Variants in KAZN observed in about 807,000 individuals in gnomAD.
The protein encoded by KAZN is kazrin, periplakin interacting protein.
KAZN carries 40 observed loss-of-function variants against 87.4 expected under a neutral mutation model. The ratio of observed to expected loss-of-function variants is 0.46; its 90% CI spans 0.36 to 0.60. KAZN has a LOEUF of 0.60. Ranked by LOEUF, KAZN falls within the 20% of genes least tolerant of loss-of-function variation. The probability of loss-of-function intolerance (pLI) is 0.00; values close to 1 mark genes in which losing one functional copy is unlikely to be tolerated. For synonymous variants in KAZN, 466 were observed against 458.3 expected, an observed-to-expected ratio of 1.02 and a Z score of -0.22; for missense variants, 898 against 1,073.9, an observed-to-expected ratio of 0.84 and a Z score of 2.29.
chr1:13,946,867 C>T (rs984427949), intron 1 of KAZN, among the ~76,000 whole-genome samples: 10 of 150,446 alleles, frequency 6.6e-5, no homozygotes, highest in African/African-American at 2.2e-4. Context: ...TTACGAATGA[C>T]CACAAACTTA....
intron 2 of KAZN, among the ~76,000 whole-genome samples, chr1:14,333,929 CTG>C (rs912511866): frequency 1.4e-4 from 22 of 152,162 alleles, no homozygotes; most frequent in African/African-American, 4.8e-4. Context: ...GAGGGAAGGA[CTG>C]AGGCCATCAC....
chr1:14,727,351 C>G (rs1460724527), intron 1 of KAZN, among the ~76,000 whole-genome samples: 2 of 150,544 alleles, frequency 1.3e-5, no homozygotes, highest in Non-Finnish European at 2.9e-5. Context: ...TTCTTGGCAC[C>G]AGGGATGGGT....
At chr1:14,414,419 A>C (rs558094468) in intron 2 of KAZN, among the ~76,000 whole-genome samples, 1 of 152,148 alleles carries the variant, frequency 6.6e-6, no homozygotes, top group Non-Finnish European at 1.5e-5. Flanking sequence ...CCAAAAAATA[A>C]ATGAGTAACT....
At chr1:14,907,252 A>G (rs951100516) in intron 1 of KAZN, among the ~76,000 whole-genome samples, 1 of 151,488 alleles carries the variant, frequency 6.6e-6, no homozygotes, top group African/African-American at 2.4e-5. Context: ...TACAAAAACA[A>G]TTAGCAGGGC....
chr1:14,129,853 G>A (rs1644955028), intron 1 of KAZN, among the ~76,000 whole-genome samples: 3 of 152,180 alleles, frequency 2.0e-5, no homozygotes, highest in Admixed American at 1.3e-4. Flanking sequence ...TGGTATTTGT[G>A]TAAAGGAAAT....
At position 14,779,737 on chromosome 1, in the gene KAZN, A is replaced by G. The variant is rs191198153; in HGVS notation, c.226+180514A>G. 1.7e-3 allele frequency among the ~76,000 whole-genome samples: 258 copies of G among 152,310 alleles called. 2 individuals are homozygous for G. The highest frequency in any genetic ancestry group is 5.9e-3 in the African/African-American group (246 of 41,566). On this transcript the variant is annotated intron_variant, in intron 1 of 14. Transcript: ENST00000376030. ...TATTTTTTTCCTGGGATTAAGGCTC[A>G]GTGTATTCTAAACAACCCCATTATT...
intron 2 of KAZN, among the ~76,000 whole-genome samples, chr1:15,026,326 C>T (rs549081840): frequency 3.3e-5 from 5 of 152,158 alleles, no homozygotes; most frequent in Non-Finnish European, 7.3e-5. Context: ...CAGGTGGAGA[C>T]GATCATGCAC....
chr1:14,598,445 C>T (rs1276437989), upstream of KAZN, among the ~76,000 whole-genome samples: 2 of 152,168 alleles, frequency 1.3e-5, no homozygotes, highest in African/African-American at 4.8e-5. The surrounding 1 kb of genome is among the most constrained non-coding windows in gnomAD (Gnocchi z 4.2). Context: ...GCTGCCCCAC[C>T]GCTCAAGGGA....
intron 1 of KAZN, among the ~76,000 whole-genome samples, chr1:14,640,256 C>A (rs528784008): frequency 6.6e-6 from 1 of 152,110 alleles, no homozygotes; most frequent in Admixed American, 6.5e-5. Context: ...AGGTTTCAAC[C>A]GTCTGGGACC....
At chr1:14,905,200 A>G (rs918679256) in intron 1 of KAZN, among the ~76,000 whole-genome samples, 20 of 152,268 alleles carry the variant, frequency 1.3e-4, no homozygotes, top group Admixed American at 7.8e-4. Context: ...CTGGGACTAC[A>G]GGCACACACC....
At chr1:14,048,907 T>G (rs1642189512) in intron 1 of KAZN, among the ~76,000 whole-genome samples, 1 of 152,194 alleles carries the variant, frequency 6.6e-6, no homozygotes, top group African/African-American at 2.4e-5. Context: ...AGTGTTCCTA[T>G]TTCTCCACAT....
chr1:14,794,145 C>G (rs914583193), intron 1 of KAZN, among the ~76,000 whole-genome samples: 13 of 152,170 alleles, frequency 8.5e-5, no homozygotes, highest in Non-Finnish European at 1.8e-4. Context: ...CACTCTCCAC[C>G]GGTTCTTCTA....
chr1:14,800,436 C>T lies in KAZN; in HGVS notation c.227-160248C>T, dbSNP rs181044966. 4.1e-3 allele frequency among the ~76,000 whole-genome samples: 629 copies of T among 152,260 alleles called. 6 individuals carry two copies. Among genetic ancestry groups the T allele is most frequent in the South Asian group, 0.02 (98 of 4,820 alleles). The stretch of plus-strand genomic sequence containing the variant: ...GAAGTAATTGCCAGACACGGTGGCT[C>T]GTGCCTGTAATCCCAGCACTTTGGG... On this transcript the variant is annotated intron_variant, in intron 1 of 14. Coordinates refer to ENST00000376030, the MANE Select transcript of KAZN (RefSeq NM_201628.3).
At chr1:14,025,241 G>A (rs1437395466) in intron 1 of KAZN, among the ~76,000 whole-genome samples, 2 of 152,188 alleles carry the variant, frequency 1.3e-5, no homozygotes, top group Non-Finnish European at 2.9e-5. Context: ...CTGTTCCTCT[G>A]AAGACCATCC....
At chr1:14,533,247 C>G (rs1345897241) in intron 2 of KAZN, among the ~76,000 whole-genome samples, 1 of 152,130 alleles carries the variant, frequency 6.6e-6, no homozygotes, top group Non-Finnish European at 1.5e-5. Flanking sequence ...GGGATAAACA[C>G]AGTACCCCAG....
intron 2 of KAZN, among the ~76,000 whole-genome samples, chr1:14,245,241 C>A (rs776947865): frequency 6.6e-6 from 1 of 151,942 alleles, no homozygotes; most frequent in African/African-American, 2.4e-5. Context: ...ATGTAGGAGG[C>A]TCTGGCTTTT....
At chr1:14,038,055 TCATC>T (rs1321139472) in intron 1 of KAZN, among the ~76,000 whole-genome samples, 1 of 152,184 alleles carries the variant, frequency 6.6e-6, no homozygotes, top group Non-Finnish European at 1.5e-5. Context: ...ATTCATCCAT[TCATC>T]CATCCATCCA....
chr1:14,784,358 G>A (rs1645441804), intron 1 of KAZN, among the ~76,000 whole-genome samples: 1 of 152,164 alleles, frequency 6.6e-6, no homozygotes, highest in Admixed American at 6.5e-5. Context: ...TAGCCAAGTT[G>A]ACATTGAAAA....
intron 1 of KAZN, among the ~76,000 whole-genome samples, chr1:14,613,384 C>T (rs1305843929): frequency 1.3e-5 from 2 of 152,154 alleles, no homozygotes; most frequent in Non-Finnish European, 2.9e-5. Flanking sequence ...TAGCCAGGGG[C>T]CAGTTTTCAA....
Sources: gnomAD v4.1 joint callset for allele counts (sites outside exome capture counted in the v4.1 genomes callset) on GRCh38, gnomAD v4.1.1 for gene constraint, Gnocchi (gnomAD v3.1) non-coding constraint, MANE v1.5 for transcripts, NCBI Gene and HGNC (gene_info 2026-07-23, HGNC 2026-07-21) for gene names.